The following WIPF3 variants were observed in gnomAD, a reference collection of about 807,000 sequenced individuals.
The protein encoded by WIPF3 is WAS/WASL interacting protein family member 3.
Under a neutral mutation model 38.9 loss-of-function variants are expected in WIPF3, and 33 were observed. The observed-to-expected ratio is 0.85, with a 90% CI of 0.64 to 1.14. WIPF3 has a LOEUF of 1.14. Ranked by LOEUF, WIPF3 falls within the 50% of genes most tolerant of loss-of-function variation. The probability of loss-of-function intolerance (pLI) is 0.00; values close to 1 mark genes in which losing one functional copy is unlikely to be tolerated. For synonymous variants in WIPF3, 324 were observed against 269.3 expected, an observed-to-expected ratio of 1.20 and a Z score of -1.99; for missense variants, 711 against 652.5, an observed-to-expected ratio of 1.09 and a Z score of -0.98.
At chr7:29,826,129 A>T (rs1404084311) in intron 1 of WIPF3, among the ~76,000 whole-genome samples, 1 of 152,206 alleles carries the variant, frequency 6.6e-6, no homozygotes, top group Non-Finnish European at 1.5e-5. Context: ...TATGGGAGAG[A>T]GAATGCTTTC....
In WIPF3 at chr7:29,884,140, G is replaced by A. The variant is rs1231172296; in HGVS notation, c.646G>A (p.Ala216Thr). Reference protein sequence around the residue: ...PLTKGNLPVVAPPVPCAPPPP... With the variant: ...PLTKGNLPVVTPPVPCAPPPP... The stretch of plus-strand genomic sequence containing the variant: ...GACCAAAGGGAACCTCCCGGTGGTT[G>A]CACCCCCCGTCCCCTGTGCGCCACC... Residue 216 changes from alanine (A) to threonine (T), a missense_variant, in exon 5 of 9, where the codon GCA (alanine) becomes ACA (threonine). Coordinates refer to ENST00000242140, the MANE Select transcript of WIPF3 (RefSeq NM_001080529.3). 1.8e-5 allele frequency: 28 copies of A among 1,527,518 alleles called. No homozygotes were observed. Among genetic ancestry groups the A allele is most frequent in the Non-Finnish European group, 2.2e-5 (25 of 1,135,300 alleles). 94.6% of individuals were successfully genotyped at this position (1,527,518 alleles called of 1,614,324 possible).
chr7:29,853,765 A>G (rs1470037700), intron 2 of WIPF3, among the ~76,000 whole-genome samples: 4 of 152,190 alleles, frequency 2.6e-5, no homozygotes, highest in Admixed American at 2.6e-4. Context: ...CTATCTCATT[A>G]TGGCTGATGT....
At chr7:29,890,294 GT>G (rs1274908699) in intron 7 of WIPF3, among the ~76,000 whole-genome samples, 1 of 151,194 alleles carries the variant, frequency 6.6e-6, no homozygotes, top group Non-Finnish European at 1.5e-5. Context: ...GGAGGCTGCA[GT>G]GAGCTATGAT....
At position 29,884,032 on chromosome 7, in the gene WIPF3, C is replaced by T; in HGVS notation, c.538C>T (p.Pro180Ser). ...NVPAPPPPTP[P>S]PPPPPLPPPL... ...GCCTGCCCCGCCCCCTCCCACCCCACCCCCTCCGCCTCCACCCTTACCCCC... is the reference window on the plus strand; with the variant it reads ...GCCTGCCCCGCCCCCTCCCACCCCATCCCCTCCGCCTCCACCCTTACCCCC... The change falls in exon 5 of 9, where the codon CCC becomes TCC. Residue 180 changes from proline (P) to serine (S), a missense_variant. Coordinates refer to ENST00000242140, the MANE Select transcript of WIPF3 (RefSeq NM_001080529.3). 7.0e-7 allele frequency: 1 copy of T among 1,427,826 alleles called. No individual in the cohort carries two copies. The highest frequency in any genetic ancestry group is 9.3e-7 in the Non-Finnish European group (1 of 1,077,866). 88.4% of individuals were successfully genotyped at this position (1,427,826 alleles called of 1,614,324 possible).
intron 2 of WIPF3, among the ~76,000 whole-genome samples, chr7:29,855,828 G>A (rs951757696): frequency 5.3e-5 from 8 of 151,998 alleles, no homozygotes; most frequent in African/African-American, 1.7e-4. Context: ...TGTCTCTGTT[G>A]CCAGAGTGAG....
intron 1 of WIPF3, among the ~76,000 whole-genome samples, chr7:29,817,783 AT>A (rs1299516584): frequency 1.3e-5 from 2 of 152,090 alleles, no homozygotes; most frequent in Non-Finnish European, 2.9e-5. Context: ...CAATGATTTT[AT>A]TTTTCCATGT....
chr7:29,916,020 T>A lies in WIPF3; in HGVS notation c.*1504T>A, dbSNP rs576679276. 1.3e-5 allele frequency: 2 copies of A among 152,352 alleles called. No individual in the cohort carries two copies. The highest frequency in any genetic ancestry group is 4.1e-4 in the South Asian group (2 of 4,834). 9.4% of individuals were successfully genotyped at this position (152,352 alleles called of 1,614,324 possible). Reference sequence around the variant, plus strand: ...CATGACTGCATCTGCCTCACTGTTGTCTGGAGTAACGACTCAGGTGGTGTC... The same window carrying A: ...CATGACTGCATCTGCCTCACTGTTGACTGGAGTAACGACTCAGGTGGTGTC... On this transcript the variant is annotated 3_prime_UTR_variant, in exon 9 of 9. Transcript: ENST00000242140.
At chr7:29,891,642 C>T (rs566169322) in intron 7 of WIPF3, among the ~76,000 whole-genome samples, 20 of 152,240 alleles carry the variant, frequency 1.3e-4, no homozygotes, top group African/African-American at 4.6e-4. Flanking sequence ...CTCAGTTCAG[C>T]GCGCTCACAT....
At chr7:29,904,465 C>A in intron 8 of WIPF3, 103 bp downstream of exon 8, 1 of 1,194,916 alleles carries the variant, frequency 8.4e-7, no homozygotes, top group South Asian at 1.3e-5. Flanking sequence ...TATATTTTTC[C>A]TCACACTCCT....
chr7:29,832,908 C>G (rs1040630939), intron 1 of WIPF3, among the ~76,000 whole-genome samples: 1 of 152,136 alleles, frequency 6.6e-6, no homozygotes, highest in African/African-American at 2.4e-5. Context: ...TCACAACACC[C>G]CAAAGGTGAA....
At chr7:29,871,380 G>A (rs1295355575) in intron 2 of WIPF3, among the ~76,000 whole-genome samples, 1 of 152,186 alleles carries the variant, frequency 6.6e-6, no homozygotes, top group African/African-American at 2.4e-5. Flanking sequence ...CAGCAGGCTT[G>A]TATGCCTGGA....
intron 2 of WIPF3, among the ~76,000 whole-genome samples, chr7:29,837,923 G>T (rs1234149794): frequency 6.6e-6 from 1 of 152,154 alleles, no homozygotes; most frequent in Non-Finnish European, 1.5e-5. Flanking sequence ...TAGTTAGTTA[G>T]TTATTTAGTT....
chr7:29,868,707 G>T lies in WIPF3; in HGVS notation c.91-7123G>T, dbSNP rs1407173264. Among the ~76,000 whole-genome samples the T allele has an allele frequency of 3.3e-5, 5 of 151,982 alleles. No homozygotes were observed. The East Asian group carries it at 7.7e-4, about 23-fold the overall frequency. Reference sequence around the variant, plus strand: ...GAGTGCACTCACACAAACCTGGATGGTAGAGCCTACTGCACACCTAGGTTA... The same window carrying T: ...GAGTGCACTCACACAAACCTGGATGTTAGAGCCTACTGCACACCTAGGTTA... On this transcript the variant is annotated intron_variant, in intron 2 of 8. Transcript: ENST00000242140.
chr7:29,903,091 A>G (rs928160482), intron 7 of WIPF3, among the ~76,000 whole-genome samples: 2 of 152,032 alleles, frequency 1.3e-5, no homozygotes, highest in African/African-American at 2.4e-5. Flanking sequence ...CTGGGAGTTT[A>G]AGACCAGCCT....
intron 3 of WIPF3, 23 bp downstream of exon 3, chr7:29,875,985 C>G (rs1017208416): frequency 5.0e-6 from 8 of 1,610,432 alleles, no homozygotes; most frequent in Middle Eastern, 3.9e-4. Context: ...CCGGGCCAGG[C>G]CTCCTGTGAG....
chr7:29,894,926 TTTG>T (rs920516289), intron 7 of WIPF3, among the ~76,000 whole-genome samples: 9 of 151,722 alleles, frequency 5.9e-5, no homozygotes, highest in African/African-American at 1.9e-4. Flanking sequence ...GTTGTTTTTT[TTTG>T]TTGTTGTTGT....
intron 2 of WIPF3, among the ~76,000 whole-genome samples, chr7:29,874,060 C>T (rs946209065): frequency 1.3e-5 from 2 of 152,136 alleles, no homozygotes; most frequent in Non-Finnish European, 2.9e-5. Context: ...CATTTCTGGC[C>T]TCTTGGTGGC....
intron 7 of WIPF3, among the ~76,000 whole-genome samples, chr7:29,903,488 C>T (rs952825607): frequency 2.6e-5 from 4 of 151,840 alleles, no homozygotes; most frequent in African/African-American, 9.7e-5. Flanking sequence ...CTGGATTGTT[C>T]TGGAGACTTT....
chr7:29,813,444 A>T (rs1784411187), intron 1 of WIPF3, among the ~76,000 whole-genome samples: 1 of 152,144 alleles, frequency 6.6e-6, no homozygotes, highest in South Asian at 2.1e-4. Context: ...ATGCACTCAC[A>T]CAGGGCAGGA....
Sources: gnomAD v4.1 joint callset for allele counts (sites outside exome capture counted in the v4.1 genomes callset) on GRCh38, gnomAD v4.1.1 for gene constraint, MANE v1.5 for transcripts, NCBI Gene and HGNC (gene_info 2026-07-23, HGNC 2026-07-21) for gene names.